The following AP3B1 variants were observed in gnomAD, a reference collection of about 807,000 sequenced individuals.
AP3B1 encodes AP-3 complex subunit beta-1.
In AP3B1, 61 loss-of-function variants were observed where a neutral mutation model predicts 132.5. The ratio of observed to expected loss-of-function variants is 0.46; its 90% confidence interval spans 0.37 to 0.57. The LOEUF (loss-of-function observed/expected upper bound fraction) is 0.57, where lower values mean the gene tolerates loss of function less well. Among genes scored for constraint, AP3B1 ranks in the 20% least tolerant of loss-of-function variants. The pLI is 0.00. For synonymous variants in AP3B1, 388 were observed against 438.3 expected (o/e 0.89, Z 1.43); for missense variants, 1,120 against 1,289.4 (o/e 0.87, Z 2.01).
chr5:78,287,750 TAAA>T (rs58180674), intron 1 of AP3B1, among the ~76,000 whole-genome samples: 15 of 131,752 alleles, frequency 1.1e-4, no homozygotes, highest in Non-Finnish European at 1.9e-4. Context: ...GTACCCCTTG[TAAA>T]AAAAAAAAAA....
intron 22 of AP3B1, among the ~76,000 whole-genome samples, chr5:78,065,477 G>A (rs540321169): frequency 6.6e-6 from 1 of 152,292 alleles, no homozygotes; most frequent in South Asian, 2.1e-4. Flanking sequence ...TCCCCTGCCA[G>A]TGCCGGGGAG....
intron 17 of AP3B1, among the ~76,000 whole-genome samples, chr5:78,127,756 G>A (rs192957759): frequency 1.1e-4 from 17 of 152,176 alleles, no homozygotes; most frequent in Non-Finnish European, 2.1e-4. Flanking sequence ...GAATCTACGC[G>A]GCTACAAATG....
chr5:78,244,966 G>A (rs919474313), intron 2 of AP3B1, among the ~76,000 whole-genome samples: 2 of 152,044 alleles, frequency 1.3e-5, no homozygotes, highest in Non-Finnish European at 2.9e-5. Flanking sequence ...CTGCACTCCA[G>A]CGTGGTGACA....
At chr5:78,180,150 A>G (rs188542813) in intron 8 of AP3B1, among the ~76,000 whole-genome samples, 1 of 152,218 alleles carries the variant, frequency 6.6e-6, no homozygotes, top group Admixed American at 6.5e-5. Context: ...ATGAAATAAT[A>G]TTTTCATTAT....
chr5:78,130,238 A>G (rs1425627454), intron 15 of AP3B1, among the ~76,000 whole-genome samples: 1 of 152,126 alleles, frequency 6.6e-6, no homozygotes, highest in Non-Finnish European at 1.5e-5. Flanking sequence ...TAGAATTCAT[A>G]ATATATGGGA....
At chr5:78,150,751 T>C (rs1753607674) in intron 14 of AP3B1, among the ~76,000 whole-genome samples, 1 of 152,198 alleles carries the variant, frequency 6.6e-6, no homozygotes, top group Non-Finnish European at 1.5e-5. Context: ...GAGTTGGAAC[T>C]AATATTTATT....
rs76283324 is a variant in AP3B1, at chr5:78,042,057, C to A, written c.2578-2783G>T. The stretch of plus-strand genomic sequence containing the variant: ...CAGAGCTGGCCACCTGCTCTTTGCT[C>A]TCACCAGTGATGCTATAGATGGATT... On this transcript the variant is annotated intron_variant, in intron 22 of 26. Coordinates refer to ENST00000255194, the MANE Select transcript of AP3B1 (RefSeq NM_003664.5). 1,214 of 210,880 alleles carry A rather than the reference C, an allele frequency of 5.8e-3. 18 individuals carry two copies. Among genetic ancestry groups the A allele is most frequent in the African/African-American group, 0.022 (941 of 43,408 alleles). The allele number at this position is 210,880 out of a possible 1,614,324, so 13.1% of individuals were successfully genotyped here. A position where few individuals can be genotyped will look rare whatever the true frequency, so the allele number is the denominator to read the frequency against.
At chr5:78,266,416 C>T (rs756009677) in intron 2 of AP3B1, among the ~76,000 whole-genome samples, 5 of 152,138 alleles carry the variant, frequency 3.3e-5, no homozygotes, top group Non-Finnish European at 7.4e-5. Context: ...AGATGTCCTA[C>T]AGATACAATT....
intron 21 of AP3B1, 102 bp from the exon 22 acceptor site, chr5:78,089,601 G>A: frequency 1.3e-6 from 1 of 782,300 alleles, no homozygotes; most frequent in Non-Finnish European, 2.2e-6. Context: ...AAATTACTTT[G>A]ATTAATAAAT....
At chr5:78,065,650 C>T (rs560874818) in intron 22 of AP3B1, among the ~76,000 whole-genome samples, 2 of 152,228 alleles carry the variant, frequency 1.3e-5, no homozygotes, top group Admixed American at 1.3e-4. Context: ...GGTTTAGGGA[C>T]AGAACTCTGA....
At chr5:78,015,786 T>C (rs1009163138) in intron 25 of AP3B1, 2 of 468,014 alleles carry the variant, frequency 4.3e-6, no homozygotes, top group African/African-American at 3.9e-5. Context: ...TTAAATCTAA[T>C]TTTAAGTATG....
chr5:78,035,468 G>C (rs1229576930), intron 23 of AP3B1, among the ~76,000 whole-genome samples: 1 of 151,934 alleles, frequency 6.6e-6, no homozygotes, highest in Non-Finnish European at 1.5e-5. Context: ...GGGCTTCTTG[G>C]TAAGTATGAT....
chr5:78,239,651 C>T (rs913934177), intron 3 of AP3B1, among the ~76,000 whole-genome samples: 3 of 151,400 alleles, frequency 2.0e-5, no homozygotes, highest in African/African-American at 4.8e-5. Context: ...TGGTTGTAAG[C>T]GCCTGTAGTC....
intron 22 of AP3B1, among the ~76,000 whole-genome samples, chr5:78,044,363 G>A (rs1748231126): frequency 1.3e-5 from 2 of 152,240 alleles, no homozygotes; most frequent in South Asian, 4.1e-4. Flanking sequence ...ATTTTTCAGT[G>A]TTACATGTTT....
At chr5:78,163,213 T>G (rs757429946) in intron 12 of AP3B1, among the ~76,000 whole-genome samples, 1 of 152,014 alleles carries the variant, frequency 6.6e-6, no homozygotes, top group Non-Finnish European at 1.5e-5. Context: ...CCAAAACAGA[T>G]AGTAGGAGCA....
chr5:78,253,085 C>A (rs553934804), intron 2 of AP3B1, among the ~76,000 whole-genome samples: 3 of 152,012 alleles, frequency 2.0e-5, no homozygotes, highest in Admixed American at 1.3e-4. Flanking sequence ...AGTCTCTGCC[C>A]GGTAATCCAG....
At chr5:78,185,001 C>T (rs1373386453) in intron 7 of AP3B1, among the ~76,000 whole-genome samples, 1 of 152,104 alleles carries the variant, frequency 6.6e-6, no homozygotes, top group Non-Finnish European at 1.5e-5. Flanking sequence ...TTACCAATAA[C>T]AGAAAAACAA....
rs1414760291 is a variant in AP3B1, at chr5:78,003,113, C to G, written c.3132-58G>C. On this transcript the variant is annotated intron_variant, in intron 26 of 26. Coordinates refer to ENST00000255194, the MANE Select transcript of AP3B1 (RefSeq NM_003664.5). ...AAGATGGGGAGGGTAAAGGAGATAG[C>G]ATACATTCAAATAGGATTAAAATAA... 1.9e-6 allele frequency: 3 copies of G among 1,562,166 alleles called. No homozygotes were observed. The African/African-American group carries it at 4.1e-5, about 21-fold the overall frequency.
At chr5:78,212,928 A>AG (rs1425526696) in intron 7 of AP3B1, among the ~76,000 whole-genome samples, 2 of 152,064 alleles carry the variant, frequency 1.3e-5, no homozygotes, top group Non-Finnish European at 2.9e-5. Flanking sequence ...CCCAGGCTGG[A>AG]GTGCAGTGGT....
Sources: gnomAD v4.1 joint callset for allele counts (sites outside exome capture counted in the v4.1 genomes callset) on GRCh38, gnomAD v4.1.1 for gene constraint, MANE v1.5 for transcripts, NCBI Gene and HGNC (gene_info 2026-07-23, HGNC 2026-07-21) for gene names.